The following SOX6 variants were observed in gnomAD, a reference collection of about 807,000 sequenced individuals.
SOX6 encodes SRY-box transcription factor 6.
SOX6 carries 11 observed loss-of-function variants against 97.8 expected under a neutral mutation model. That is an observed-to-expected ratio of 0.11 (90% CI 0.07 to 0.19). The LOEUF (loss-of-function observed/expected upper bound fraction) is 0.19, where lower values mean the gene tolerates loss of function less well. SOX6 is among the 10% of genes least tolerant of loss of function. The probability of loss-of-function intolerance (pLI) is 1.00; values close to 1 mark genes in which losing one functional copy is unlikely to be tolerated. For synonymous variants in SOX6, 360 were observed against 371.4 expected (o/e 0.97, Z 0.35); for missense variants, 810 against 1,039.5 (o/e 0.78, Z 3.04).
intron 1 of SOX6, among the ~76,000 whole-genome samples, chr11:16,343,975 G>A (rs1178359085): frequency 6.6e-6 from 1 of 151,922 alleles, no homozygotes; most frequent in Admixed American, 6.6e-5. Context: ...AGGAAAAGGA[G>A]ACAGGGGAGG....
At chr11:16,617,652 T>C (rs1197379112) in intron 3 of SOX6, among the ~76,000 whole-genome samples, 1 of 151,856 alleles carries the variant, frequency 6.6e-6, no homozygotes, top group African/African-American at 2.4e-5. Flanking sequence ...GAAAAGCAGA[T>C]ATAAACAGTG....
upstream of SOX6, among the ~76,000 whole-genome samples, chr11:16,357,153 C>G (rs925350144): frequency 6.6e-6 from 1 of 152,154 alleles, no homozygotes; most frequent in South Asian, 2.1e-4. Context: ...ATCATTGGCA[C>G]GAAAGGCTCA....
intron 4 of SOX6, among the ~76,000 whole-genome samples, chr11:16,500,939 C>T (rs934448309): frequency 2.0e-5 from 3 of 152,090 alleles, no homozygotes; most frequent in Admixed American, 2.0e-4. Context: ...GGACTTTCTT[C>T]ACAGAATTGG....
At chr11:16,476,989 C>A (rs2133121281), upstream of SOX6, among the ~76,000 whole-genome samples, 1 of 152,300 alleles carries the variant, frequency 6.6e-6, no homozygotes, top group Non-Finnish European at 1.5e-5. Context: ...TAGCCTTATA[C>A]AAATTTTTAA....
At chr11:16,087,616 G>A (rs914765387) in intron 9 of SOX6, among the ~76,000 whole-genome samples, 5 of 151,708 alleles carry the variant, frequency 3.3e-5, no homozygotes, top group Admixed American at 1.3e-4. Context: ...AAATATCAAA[G>A]TGAAGGAAAA....
At chr11:16,031,186 A>G (rs1192685017) in intron 12 of SOX6, among the ~76,000 whole-genome samples, 1 of 152,198 alleles carries the variant, frequency 6.6e-6, no homozygotes, top group Admixed American at 6.5e-5. Flanking sequence ...CTTTAACATC[A>G]AGACTAAATT....
At chr11:16,221,406 C>T (rs1262513968) in intron 4 of SOX6, among the ~76,000 whole-genome samples, 2 of 151,920 alleles carry the variant, frequency 1.3e-5, no homozygotes, top group Non-Finnish European at 2.9e-5. Context: ...AGTACATATA[C>T]TTTTAATAGT....
At chr11:16,599,277 A>G (rs972494668) in intron 4 of SOX6, among the ~76,000 whole-genome samples, 13 of 152,176 alleles carry the variant, frequency 8.5e-5, no homozygotes, top group African/African-American at 1.9e-4. Context: ...CCACAATAAA[A>G]TGTTCGTAGA....
At chr11:16,433,777 A>G (rs1215593216) in intron 1 of SOX6, among the ~76,000 whole-genome samples, 5 of 152,130 alleles carry the variant, frequency 3.3e-5, no homozygotes, top group Non-Finnish European at 7.4e-5. Flanking sequence ...AGGATGAGGA[A>G]TGCTGAACTT....
At chr11:16,325,248 G>GA (rs1004085751) in intron 2 of SOX6, among the ~76,000 whole-genome samples, 2 of 151,786 alleles carry the variant, frequency 1.3e-5, no homozygotes, top group Non-Finnish European at 1.5e-5. Context: ...TGTATTAAAT[G>GA]AAAAAAAGCA....
At chr11:16,191,135 G>A (rs745746320) in intron 4 of SOX6, among the ~76,000 whole-genome samples, 6 of 152,126 alleles carry the variant, frequency 3.9e-5, no homozygotes, top group Non-Finnish European at 8.8e-5. Context: ...ATCTTCGAAT[G>A]CTCTTATGCA....
At chr11:16,577,133 AT>A (rs1019251376) in intron 4 of SOX6, 2 of 152,222 alleles carry the variant, frequency 1.3e-5, no homozygotes, top group African/African-American at 2.4e-5. Context: ...GAAGAAAGGA[AT>A]TGAAGGAGTC....
chr11:15,991,044 A>G (rs1854034197), intron 13 of SOX6, among the ~76,000 whole-genome samples: 1 of 152,180 alleles, frequency 6.6e-6, no homozygotes, highest in Non-Finnish European at 1.5e-5. Flanking sequence ...ATTGGCTAAC[A>G]TGAATTTTTT....
At chr11:16,660,335 TG>T (rs775948180) in intron 3 of SOX6, among the ~76,000 whole-genome samples, 2 of 152,204 alleles carry the variant, frequency 1.3e-5, no homozygotes, top group Non-Finnish European at 2.9e-5. Context: ...TAATTTCTCT[TG>T]AGACTGATTC....
intron 4 of SOX6, among the ~76,000 whole-genome samples, chr11:16,494,106 G>A (rs1860555550): frequency 6.6e-6 from 1 of 152,166 alleles, no homozygotes. Context: ...GCCAGGCACT[G>A]TGGCTCATGC....
intron 4 of SOX6, among the ~76,000 whole-genome samples, chr11:16,525,900 C>T (rs1352000114): frequency 1.3e-5 from 2 of 152,076 alleles, no homozygotes; most frequent in Non-Finnish European, 2.9e-5. Flanking sequence ...TAATCACTGG[C>T]CATCAGAGAA....
At chr11:16,218,253 C>G (rs970923490) in intron 4 of SOX6, among the ~76,000 whole-genome samples, 4 of 152,038 alleles carry the variant, frequency 2.6e-5, no homozygotes, top group African/African-American at 7.2e-5. Context: ...CATACTACCA[C>G]TTTATTGCTA....
chr11:16,464,318 A>G (rs1238133447), intron 1 of SOX6, among the ~76,000 whole-genome samples: 5 of 152,138 alleles, frequency 3.3e-5, no homozygotes, highest in African/African-American at 7.2e-5. Flanking sequence ...TAGTTTATAT[A>G]AGAAACCCAA....
rs1354898351 is a variant in SOX6 at position 16,535,514 on chromosome 11, A to G, written n.610-59126T>C. 2.0e-5 allele frequency among the ~76,000 whole-genome samples: 3 copies of G among 152,260 alleles called. No homozygotes were observed. In the South Asian group the frequency reaches 6.2e-4, roughly 32 times the overall value. On this transcript the variant is annotated intron_variant and non_coding_transcript_variant, in intron 4 of 5. Transcript: ENST00000524520. Reference sequence around the variant, plus strand: ...TGGCAAAACCCCGTCTCTACAAAAAATACAAAAATTAGCTGGGAACTGTGG... The same window carrying G: ...TGGCAAAACCCCGTCTCTACAAAAAGTACAAAAATTAGCTGGGAACTGTGG...
Sources: gnomAD v4.1 joint callset for allele counts (sites outside exome capture counted in the v4.1 genomes callset) on GRCh38, gnomAD v4.1.1 for gene constraint, MANE v1.5 for transcripts, NCBI Gene and HGNC (gene_info 2026-07-23, HGNC 2026-07-21) for gene names.